Variants in LAT2 observed in about 807,000 individuals in gnomAD.
The protein encoded by LAT2 is linker for activation of T-cells family member 2.
In LAT2, 23 loss-of-function variants were observed where a neutral mutation model predicts 43.4. The ratio of observed to expected loss-of-function variants is 0.53; its 90% CI spans 0.38 to 0.75. The LOEUF is 0.75. Among genes scored for constraint, LAT2 ranks in the 30% least tolerant of loss-of-function variants. LAT2 has a pLI of 0.00. For missense variants in LAT2, 284 were observed against 310.2 expected (o/e 0.92, Z 0.64); for synonymous variants, 128 against 123.2 (o/e 1.04, Z -0.26).
intron 1 of LAT2, among the ~76,000 whole-genome samples, chr7:74,211,345 C>T (rs191113995): frequency 3.9e-4 from 60 of 152,258 alleles, no homozygotes; most frequent in African/African-American, 1.4e-3. Flanking sequence ...GGCGTGATCT[C>T]GGCTCACTGC....
chr7:74,213,920 G>A (rs2116086922), intron 1 of LAT2, among the ~76,000 whole-genome samples: 1 of 150,178 alleles, frequency 6.7e-6, no homozygotes, highest in Non-Finnish European at 1.5e-5. Flanking sequence ...CCTCAACTCT[G>A]TCCCCAGCCA....
At chr7:74,224,487 C>T in intron 12 of LAT2, 152 bp from the exon 13 acceptor site, 1 of 709,732 alleles carries the variant, frequency 1.4e-6, no homozygotes, top group Non-Finnish European at 2.5e-6. Context: ...CGGCAAATCC[C>T]AGAGACAGGA....
intron 9 of LAT2, among the ~76,000 whole-genome samples, chr7:74,221,410 CAAAAAA>C (rs782694803): frequency 0.064 from 1,349 of 20,952 alleles, 26 homozygotes; most frequent in African/African-American, 0.17. Context: ...GACTCTGTCT[CAAAAAA>C]AAAAAAAAAA....
Position 74,215,971 on chromosome 7 carries a change from C to T in LAT2, c.-5C>T, listed in dbSNP as rs371651644. On this transcript the variant is annotated 5_prime_UTR_variant, in exon 3 of 14. Transcript: ENST00000460943. ...GCATCACAAGAGGCAACACCAGGAG[C>T]CAACATGAGCTCGGGGACTGAACTG... 1.9e-6 allele frequency: 3 copies of T among 1,613,828 alleles called. No individual in the cohort carries two copies. In the Admixed American group the frequency reaches 5.0e-5, roughly 27 times the overall value.
At chr7:74,216,144 C>A in intron 3 of LAT2, 75 bp downstream of exon 3, 5 of 1,288,276 alleles carry the variant, frequency 3.9e-6, no homozygotes, top group Non-Finnish European at 5.4e-6. Context: ...CAGGCCCAGA[C>A]GTGGCTGTGG....
In LAT2 at chr7:74,214,827, G is replaced by C. The variant is rs138125303; in HGVS notation, c.-213G>C. ...TTTTTGTATTTTTTTTGTAGAGATG[G>C]AATTTCACCGTGTTGCCTAGGCTGG... On this transcript the variant is annotated 5_prime_UTR_variant, in exon 2 of 14. Coordinates refer to ENST00000460943, the MANE Select transcript of LAT2 (RefSeq NM_032464.3). 1 of 116,994 alleles carries C rather than the reference G, an allele frequency of 8.5e-6. No homozygotes were observed. Among genetic ancestry groups the C allele is most frequent in the Non-Finnish European group, 1.6e-5 (1 of 61,174 alleles). The allele number at this position is 116,994 out of a possible 1,614,324, so 7.2% of individuals were successfully genotyped here. A position where few individuals can be genotyped will look rare whatever the true frequency, so the allele number is the denominator to read the frequency against.
rs375897282 is a variant in LAT2, at chr7:74,220,179, A to G, written c.228-38A>G. On this transcript the variant is annotated intron_variant, in intron 6 of 13. Coordinates refer to ENST00000460943, the MANE Select transcript of LAT2 (RefSeq NM_032464.3). The surrounding 1 kb of genome is among the most constrained non-coding windows in gnomAD (Gnocchi z 4.5). ...GTGTCCTGGGGGGCCTCTCCCCTACAGCCCCTCCTTTAACTCCCTCCTTCC... is the reference window on the plus strand; with the variant it reads ...GTGTCCTGGGGGGCCTCTCCCCTACGGCCCCTCCTTTAACTCCCTCCTTCC... The G allele has an allele frequency of 2.5e-6, 4 of 1,584,150 alleles. No homozygotes were observed. Among genetic ancestry groups the G allele is most frequent in the Non-Finnish European group, 3.4e-6 (4 of 1,162,890 alleles).
chr7:74,222,210 A>T lies in LAT2; in HGVS notation c.388+518A>T, dbSNP rs573784504. Among the ~76,000 whole-genome samples the T allele has an allele frequency of 6.0e-5, 8 of 133,190 alleles. No individual in the cohort carries two copies. The East Asian group carries it at 1.7e-3, about 28-fold the overall frequency. The allele number at this position is 133,190 out of a possible 152,430, so 87.4% of individuals were successfully genotyped here. A position where few individuals can be genotyped will look rare whatever the true frequency, so the allele number is the denominator to read the frequency against. ...AGACCAGTGTGGCCAACATGGTGAA[A>T]CCCCATCTCTACAAAAATACAAAAA... On this transcript the variant is annotated intron_variant, in intron 10 of 13. Coordinates refer to ENST00000460943, the MANE Select transcript of LAT2 (RefSeq NM_032464.3).
chr7:74,216,619 G>A (rs901988278), intron 3 of LAT2, among the ~76,000 whole-genome samples: 1 of 152,054 alleles, frequency 6.6e-6, no homozygotes, highest in Non-Finnish European at 1.5e-5. Flanking sequence ...TGATCCTCCC[G>A]CCTCGGCCCA....
intron 2 of LAT2, 122 bp from the exon 3 acceptor site, chr7:74,215,825 G>A (rs2293757): frequency 0.083 from 59,001 of 711,826 alleles, 2,618 homozygotes; most frequent in South Asian, 0.096. Context: ...GTGCAGGAGC[G>A]GGGAGGGGAG....
rs1802600012 is a variant in LAT2, at chr7:74,229,145, C to T, written c.*220C>T. 1 of 152,220 alleles carries T rather than the reference C, an allele frequency of 6.6e-6. No individual in the cohort carries two copies. The highest frequency in any genetic ancestry group is 1.5e-5 in the Non-Finnish European group (1 of 68,078). The allele number at this position is 152,220 out of a possible 1,614,324, so 9.4% of individuals were successfully genotyped here. ...GGGAGCTGCAGGCCCGTCACCAAGC[C>T]CTCTCCCGACCCAGGCTTTGTGGGG... On this transcript the variant is annotated 3_prime_UTR_variant, in exon 14 of 14. Coordinates refer to ENST00000460943, the MANE Select transcript of LAT2 (RefSeq NM_032464.3).
intron 11 of LAT2, 68 bp from the exon 12 acceptor site, chr7:74,223,950 G>A: frequency 6.5e-7 from 1 of 1,536,606 alleles, no homozygotes; most frequent in Non-Finnish European, 8.9e-7. Context: ...ATCCTCGGAG[G>A]CAGCTCTATT....
chr7:74,214,187 T>A (rs1284607556), intron 1 of LAT2, among the ~76,000 whole-genome samples: 5 of 87,632 alleles, frequency 5.7e-5, no homozygotes, highest in African/African-American at 1.2e-4. Context: ...AAAATATATA[T>A]AAATATATAT....
At chr7:74,222,582 A>G (rs1563975059) in intron 10 of LAT2, among the ~76,000 whole-genome samples, 1 of 145,954 alleles carries the variant, frequency 6.9e-6, no homozygotes, top group Non-Finnish European at 1.5e-5. Flanking sequence ...TGCCACCTCC[A>G]TTTTTTTTTT....
At chr7:74,218,598 A>G (rs1802130729) in intron 4 of LAT2, among the ~76,000 whole-genome samples, 2 of 152,192 alleles carry the variant, frequency 1.3e-5, no homozygotes, top group South Asian at 4.1e-4. Flanking sequence ...AAAAAGATTT[A>G]TTGGAAATAT....
rs781977576 is a variant in LAT2, at chr7:74,223,708, CCTCT to C, written c.389-10_389-7del. The stretch of plus-strand genomic sequence containing the variant: ...GTCTGCCCACACCCCCGTGCCCACT[CCTCT>C]CTCTCCTGCAGATGATGATGCCAAT... On this transcript the variant is annotated splice_polypyrimidine_tract_variant and intron_variant, in intron 10 of 13. Coordinates refer to ENST00000460943, the MANE Select transcript of LAT2 (RefSeq NM_032464.3). The C allele has an allele frequency of 3.1e-6, 5 of 1,611,970 alleles. No individual in the cohort carries two copies. Among genetic ancestry groups the C allele is most frequent in the Non-Finnish European group, 4.2e-6 (5 of 1,178,326 alleles).
intron 2 of LAT2, among the ~76,000 whole-genome samples, chr7:74,215,451 T>C (rs1802002705): frequency 6.6e-6 from 1 of 151,862 alleles, no homozygotes; most frequent in Admixed American, 6.6e-5. Context: ...TCTGCGTGAG[T>C]GGTGGCCACA....
Position 74,224,318 on chromosome 7 carries a change from C to A in LAT2, c.628+121C>A, listed in dbSNP as rs1802404476. The A allele has an allele frequency of 6.4e-6, 7 of 1,099,024 alleles. 2 individuals are homozygous for A. In the South Asian group the frequency reaches 9.8e-5, roughly 15 times the overall value. 68.1% of individuals were successfully genotyped at this position (1,099,024 alleles called of 1,614,324 possible). The stretch of plus-strand genomic sequence containing the variant: ...AGTCCAGCTAACCCCGCAGTGATGC[C>A]TGGGTGCAGGAGCAGCTGCAGAGAC... On this transcript the variant is annotated intron_variant, in intron 12 of 13. Coordinates refer to ENST00000460943, the MANE Select transcript of LAT2 (RefSeq NM_032464.3).
intron 4 of LAT2, among the ~76,000 whole-genome samples, chr7:74,219,051 A>G (rs1802155230): frequency 1.4e-5 from 1 of 73,588 alleles, no homozygotes; most frequent in African/African-American, 5.4e-5. Flanking sequence ...TTTTTTTGAG[A>G]CGGAGTCTCG....
Sources: gnomAD v4.1 joint callset for allele counts (sites outside exome capture counted in the v4.1 genomes callset) on GRCh38, gnomAD v4.1.1 for gene constraint, Gnocchi (gnomAD v3.1) non-coding constraint, MANE v1.5 for transcripts, NCBI Gene and HGNC (gene_info 2026-07-23, HGNC 2026-07-21) for gene names.